OPCML: variants seen among roughly 807,000 people sequenced by gnomAD.
OPCML encodes opioid-binding protein/cell adhesion molecule.
Under a neutral mutation model 37.8 loss-of-function variants are expected in OPCML, and 13 were observed. That is an observed-to-expected ratio of 0.34 (90% confidence interval 0.22 to 0.55). The LOEUF is 0.55. OPCML is among the 20% of genes least tolerant of loss of function. The pLI is 0.91. For missense variants in OPCML, 341 were observed against 435.6 expected (o/e 0.78, Z 1.93); for synonymous variants, 176 against 168.8 (o/e 1.04, Z -0.33).
chr11:133,354,226 C>G (rs796289315), intron 1 of OPCML, among the ~76,000 whole-genome samples: 2 of 1,494 alleles, frequency 1.3e-3, no homozygotes, highest in Non-Finnish European at 2.7e-3. Context: ...GATGCTGGTG[C>G]TGGTGGTGAT....
At chr11:132,501,245 A>C (rs1227393183) in intron 4 of OPCML, among the ~76,000 whole-genome samples, 1 of 152,236 alleles carries the variant, frequency 6.6e-6, no homozygotes, top group Non-Finnish European at 1.5e-5. Flanking sequence ...TGGATCAAAG[A>C]CTTAAATGTA....
intron 1 of OPCML, among the ~76,000 whole-genome samples, chr11:133,191,010 T>C (rs1393516559): frequency 6.6e-6 from 1 of 152,084 alleles, no homozygotes; most frequent in African/African-American, 2.4e-5. Context: ...TGTCTCGGGG[T>C]GGAATTACTG....
At chr11:133,330,925 G>A (rs776491518) in intron 1 of OPCML, among the ~76,000 whole-genome samples, 27 of 152,234 alleles carry the variant, frequency 1.8e-4, no homozygotes, top group South Asian at 1.0e-3. Flanking sequence ...TGAGACAACC[G>A]AAGTTCAAAG....
intron 1 of OPCML, among the ~76,000 whole-genome samples, chr11:133,417,648 C>G (rs1311670843): frequency 6.7e-6 from 1 of 148,802 alleles, no homozygotes; most frequent in East Asian, 2.0e-4. Context: ...CCCGACCCCA[C>G]AGTAGTCCCC....
intron 2 of OPCML, among the ~76,000 whole-genome samples, chr11:132,751,498 G>T (rs1313846114): frequency 6.6e-6 from 1 of 152,202 alleles, no homozygotes; most frequent in African/African-American, 2.4e-5. Flanking sequence ...GTGGACCAGA[G>T]GCAGAGGATC....
At chr11:132,831,044 C>T (rs1940653959) in intron 2 of OPCML, among the ~76,000 whole-genome samples, 1 of 151,810 alleles carries the variant, frequency 6.6e-6, no homozygotes, top group South Asian at 2.1e-4. Context: ...TATAACTGAG[C>T]TACCGTCATA....
At chr11:132,671,709 G>A (rs1942483709) in intron 2 of OPCML, among the ~76,000 whole-genome samples, 1 of 152,058 alleles carries the variant, frequency 6.6e-6, no homozygotes, top group Non-Finnish European at 1.5e-5. Flanking sequence ...ATAGAAACTT[G>A]TAAGGGTTTA....
intron 1 of OPCML, among the ~76,000 whole-genome samples, chr11:132,998,110 T>C (rs1260610108): frequency 1.3e-5 from 2 of 152,182 alleles, no homozygotes; most frequent in Non-Finnish European, 2.9e-5. Flanking sequence ...GCAGTTAAAA[T>C]GTCCAGTCTC....
At chr11:133,290,606 A>G (rs1385410483) in intron 1 of OPCML, among the ~76,000 whole-genome samples, 1 of 152,166 alleles carries the variant, frequency 6.6e-6, no homozygotes, top group Non-Finnish European at 1.5e-5. Flanking sequence ...GAGACCCCTG[A>G]GTGGCACCTG....
At chr11:133,500,307 C>T (rs941653155) in intron 1 of OPCML, among the ~76,000 whole-genome samples, 3 of 152,210 alleles carry the variant, frequency 2.0e-5, no homozygotes, top group Non-Finnish European at 4.4e-5. Context: ...CTCACTGAGA[C>T]CCAGGTCAGT....
intron 2 of OPCML, among the ~76,000 whole-genome samples, chr11:132,861,847 A>AC (rs1383246595): frequency 1.3e-5 from 2 of 151,978 alleles, no homozygotes; most frequent in Non-Finnish European, 2.9e-5. Context: ...ATAAAAAAAA[A>AC]AAAAAAAAAC....
At chr11:132,830,673 G>A (rs540818865) in intron 2 of OPCML, among the ~76,000 whole-genome samples, 12 of 152,282 alleles carry the variant, frequency 7.9e-5, no homozygotes, top group African/African-American at 2.9e-4. Flanking sequence ...AGATTCATTT[G>A]CAGAACATAA....
chr11:133,452,888 G>A (rs1290612263), intron 1 of OPCML, among the ~76,000 whole-genome samples: 4 of 150,754 alleles, frequency 2.7e-5, no homozygotes, highest in Non-Finnish European at 5.9e-5. Flanking sequence ...TTATGGGTCT[G>A]CTACTCATGA....
At chr11:132,750,783 G>T (rs910534282) in intron 2 of OPCML, among the ~76,000 whole-genome samples, 2 of 151,330 alleles carry the variant, frequency 1.3e-5, no homozygotes, top group Admixed American at 6.6e-5. Context: ...AACATTCTTT[G>T]TAAAGAAAAC....
At chr11:133,141,187 A>G (rs1244415280) in intron 1 of OPCML, among the ~76,000 whole-genome samples, 1 of 151,896 alleles carries the variant, frequency 6.6e-6, no homozygotes, top group Non-Finnish European at 1.5e-5. Flanking sequence ...AAGGAGAGGA[A>G]CAAGGCAGCA....
intron 4 of OPCML, among the ~76,000 whole-genome samples, chr11:132,511,396 C>A (rs762065171): frequency 6.6e-6 from 1 of 151,984 alleles, no homozygotes; most frequent in Admixed American, 6.6e-5. Flanking sequence ...ATCTTAACAT[C>A]TTTTTGGTAA....
chr11:133,334,603 T>C (rs1425516817), intron 1 of OPCML, among the ~76,000 whole-genome samples: 1 of 152,208 alleles, frequency 6.6e-6, no homozygotes, highest in Non-Finnish European at 1.5e-5. Context: ...GACATGTGTT[T>C]ATCTTTGTAA....
At chr11:132,866,074 A>G (rs1379634142) in intron 2 of OPCML, among the ~76,000 whole-genome samples, 3 of 152,104 alleles carry the variant, frequency 2.0e-5, no homozygotes, top group Non-Finnish European at 4.4e-5. Flanking sequence ...TCCTCAGGAA[A>G]AAAAAAAAAG....
chr11:132,689,529 G>C (rs1943316087), intron 2 of OPCML, among the ~76,000 whole-genome samples: 1 of 152,216 alleles, frequency 6.6e-6, no homozygotes, highest in African/African-American at 2.4e-5. Context: ...AGTAGACTGT[G>C]TCACAGATAG....
Sources: allele counts gnomAD v4.1 joint callset (sites outside exome capture counted in the v4.1 genomes callset), GRCh38; gene constraint gnomAD v4.1.1; transcripts MANE v1.5; gene names NCBI Gene and HGNC (gene_info 2026-07-23, HGNC 2026-07-21).